TBC1D12: variants seen among roughly 807,000 people sequenced by gnomAD.
The protein encoded by TBC1D12 is TBC1 domain family member 12, also known as TBC1 domain family, member 12.
TBC1D12 carries 56 observed loss-of-function variants against 86.7 expected under a neutral mutation model. The observed-to-expected ratio is 0.65, with a 90% CI of 0.52 to 0.81. TBC1D12 has a LOEUF of 0.81. Ranked by LOEUF, TBC1D12 falls within the 30% of genes least tolerant of loss-of-function variation. TBC1D12 has a pLI of 0.00. For synonymous variants in TBC1D12, 421 were observed against 411.7 expected (o/e 1.02, Z -0.27); for missense variants, 1,023 against 1,038.8 (o/e 0.98, Z 0.21).
rs753518629 is a variant in TBC1D12, at chr10:94,402,799, G to A, written c.186G>A (p.Glu62=). The A allele has an allele frequency of 1.3e-6, 2 of 1,544,038 alleles. No individual in the cohort carries two copies. Among genetic ancestry groups the A allele is most frequent in the South Asian group, 2.4e-5 (2 of 83,770 alleles). Reference sequence around the variant, plus strand: ...AGGAGGAGGAGGCTGACGAGGAGGAGGAGACGCCGCCTCGGCAGCTCCTTC... The same window carrying A: ...AGGAGGAGGAGGCTGACGAGGAGGAAGAGACGCCGCCTCGGCAGCTCCTTC... The part of the protein sequence containing the change: ...ADEEEEADEE[E]ETPPRQLLQR... Residue 62 remains glutamate, a synonymous_variant, in exon 1 of 13, where the codon GAG becomes GAA. Transcript: ENST00000225235.
At chr10:94,419,640 G>A (rs184623989) in intron 1 of TBC1D12, among the ~76,000 whole-genome samples, 18 of 152,274 alleles carry the variant, frequency 1.2e-4, no homozygotes, top group Non-Finnish European at 2.1e-4. Context: ...CTGCACTCTA[G>A]CCTGGGCGAC....
At chr10:94,510,268 T>A (rs555249493) in intron 8 of TBC1D12, 89 bp downstream of exon 8, 2 of 870,372 alleles carry the variant, frequency 2.3e-6, no homozygotes, top group Admixed American at 3.1e-5. Context: ...GCTATTACTT[T>A]AAAAAAGGCA....
Position 94,517,845 on chromosome 10 carries a change from A to G in TBC1D12, c.1762-4110A>G, listed in dbSNP as rs938871139. 4.6e-5 allele frequency among the ~76,000 whole-genome samples: 7 copies of G among 152,174 alleles called. No homozygotes were observed. The South Asian group carries it at 1.4e-3, about 31-fold the overall frequency. ...ATTTGGTAATCTTGGTTCACATTTC[A>G]GTTATACTTATTTAAAAGAACCACA... On this transcript the variant is annotated intron_variant, in intron 9 of 12. Coordinates refer to ENST00000225235, the MANE Select transcript of TBC1D12 (RefSeq NM_015188.2).
At chr10:94,433,777 A>T (rs1203937713) in intron 1 of TBC1D12, among the ~76,000 whole-genome samples, 1 of 152,192 alleles carries the variant, frequency 6.6e-6, no homozygotes, top group African/African-American at 2.4e-5. Context: ...ATGCTTCACT[A>T]AGTTAAAAAA....
intron 9 of TBC1D12, among the ~76,000 whole-genome samples, chr10:94,515,335 G>GT (rs763318309): frequency 0.031 from 4,702 of 149,624 alleles, 137 homozygotes; most frequent in African/African-American, 0.076. Flanking sequence ...TATAGGTTTG[G>GT]TTTTTTTGTT....
intron 1 of TBC1D12, among the ~76,000 whole-genome samples, chr10:94,428,282 C>CT (rs894535771): frequency 0.21 from 20,641 of 99,918 alleles, 2,065 homozygotes; most frequent in African/African-American, 0.27. Flanking sequence ...TTTGGAACTT[C>CT]TTTTTTTTTT....
At chr10:94,436,222 G>A (rs902954332) in intron 1 of TBC1D12, among the ~76,000 whole-genome samples, 4 of 150,604 alleles carry the variant, frequency 2.7e-5, no homozygotes, top group African/African-American at 4.9e-5. Context: ...CTGCACCTCC[G>A]CCTCCTGGGT....
chr10:94,429,932 T>C (rs2055193065), intron 1 of TBC1D12, among the ~76,000 whole-genome samples: 1 of 152,086 alleles, frequency 6.6e-6, no homozygotes, highest in South Asian at 2.1e-4. Flanking sequence ...GATGGGGTTT[T>C]GCCATGTTGC....
chr10:94,511,441 G>C (rs2056525611), intron 8 of TBC1D12, 142 bp from the exon 9 acceptor site: 1 of 638,920 alleles, frequency 1.6e-6, no homozygotes, highest in Non-Finnish European at 2.7e-6. Context: ...AAACATCTTG[G>C]CAGAGTACAT....
intron 1 of TBC1D12, among the ~76,000 whole-genome samples, chr10:94,425,458 A>G (rs77826075): frequency 0.03 from 4,506 of 152,344 alleles, 101 homozygotes; most frequent in South Asian, 0.045. Flanking sequence ...TGAAGGTTAC[A>G]TGTATCATGT....
At chr10:94,526,292 G>A (rs925519890) in intron 11 of TBC1D12, among the ~76,000 whole-genome samples, 1 of 151,996 alleles carries the variant, frequency 6.6e-6, no homozygotes, top group Admixed American at 6.6e-5. Flanking sequence ...TTAGCTGTAT[G>A]GTACATGGTG....
intron 1 of TBC1D12, among the ~76,000 whole-genome samples, chr10:94,421,704 A>T (rs1166474365): frequency 6.6e-6 from 1 of 152,236 alleles, no homozygotes; most frequent in Non-Finnish European, 1.5e-5. Flanking sequence ...TCTTTCAGAA[A>T]AAAAAATTAC....
chr10:94,502,286 T>C (rs2056408070), intron 6 of TBC1D12, among the ~76,000 whole-genome samples: 1 of 151,854 alleles, frequency 6.6e-6, no homozygotes, highest in Non-Finnish European at 1.5e-5. Context: ...GAGCCGAGAT[T>C]GCGTCATTGC....
In TBC1D12 at chr10:94,403,502, C is replaced by T; in HGVS notation, c.889C>T (p.Pro297Ser). The change falls in exon 1 of 13, where the codon CCC becomes TCC. Residue 297 changes from proline to serine, a missense_variant. Around this residue, in one of 2 missense-constraint regions of TBC1D12, gnomAD observed 628 missense variants for 531.1 expected, o/e 1.18. Transcript: ENST00000225235. Reference protein sequence around the residue: ...DHLPPAGPPVPLPAAEQGPAG... With the variant: ...DHLPPAGPPVSLPAAEQGPAG... ...CCTGCCCCCGGCGGGGCCGCCGGTG[C>T]CCTTGCCCGCCGCGGAGCAGGGTCC... The T allele has an allele frequency of 6.4e-7, 1 of 1,552,168 alleles. No individual in the cohort carries two copies. The highest frequency in any genetic ancestry group is 8.7e-7 in the Non-Finnish European group (1 of 1,151,418).
At chr10:94,493,100 T>A (rs948009345) in intron 3 of TBC1D12, among the ~76,000 whole-genome samples, 1 of 152,088 alleles carries the variant, frequency 6.6e-6, no homozygotes, top group South Asian at 2.1e-4. Flanking sequence ...TCTATTTTTT[T>A]AATCTGAAAT....
At chr10:94,454,543 T>A (rs1174999740) in intron 2 of TBC1D12, among the ~76,000 whole-genome samples, 2 of 152,204 alleles carry the variant, frequency 1.3e-5, no homozygotes, top group African/African-American at 2.4e-5. Flanking sequence ...GAATATCTCT[T>A]CATTTGTTTT....
intron 1 of TBC1D12, among the ~76,000 whole-genome samples, chr10:94,430,810 T>G (rs756444347): frequency 7.2e-5 from 11 of 152,228 alleles, no homozygotes; most frequent in Non-Finnish European, 1.5e-4. Context: ...TTAGTGTGCC[T>G]CTTTTCTTTT....
intron 9 of TBC1D12, among the ~76,000 whole-genome samples, chr10:94,521,124 T>C (rs1842139858): frequency 6.7e-6 from 1 of 148,720 alleles, no homozygotes; most frequent in Admixed American, 6.9e-5. Context: ...GGCAGGAGGA[T>C]AGCTGGAGCT....
intron 1 of TBC1D12, among the ~76,000 whole-genome samples, chr10:94,432,395 T>C (rs1446380005): frequency 6.6e-6 from 1 of 152,210 alleles, no homozygotes; most frequent in East Asian, 1.9e-4. Flanking sequence ...ATCTGTAATG[T>C]TTTAACACAA....
Sources: gnomAD v4.1 joint callset for allele counts (sites outside exome capture counted in the v4.1 genomes callset) on GRCh38, gnomAD v4.1.1 for gene constraint, gnomAD v4.1.1 regional missense constraint, MANE v1.5 for transcripts, NCBI Gene and HGNC (gene_info 2026-07-23, HGNC 2026-07-21) for gene names.